Variants in DUOX2 observed in about 807,000 individuals in gnomAD.
The protein encoded by DUOX2 is NADH/NADPH thyroid oxidase p138-tox.
A neutral mutation model predicts 183.3 loss-of-function variants in DUOX2; 185 were observed. The observed-to-expected ratio is 1.01, with a 90% CI of 0.90 to 1.14. The LOEUF is 1.14. DUOX2 is among the 50% of genes most tolerant of loss of function. DUOX2 has a pLI of 0.00. For missense variants in DUOX2, 1,999 were observed against 2,022.9 expected, an observed-to-expected ratio of 0.99 and a Z score of 0.23; for synonymous variants, 788 against 812.4, an observed-to-expected ratio of 0.97 and a Z score of 0.51.
chr15:45,094,858 A>C, intron 32 of DUOX2, 78 bp downstream of exon 32: 1 of 1,603,840 alleles, frequency 6.2e-7, no homozygotes, highest in Admixed American at 1.7e-5. Flanking sequence ...CCGTCCACCC[A>C]CCTGCCCTGG....
At chr15:45,108,982 C>G (rs1406917122) in intron 11 of DUOX2, 30 bp from the exon 12 acceptor site, 2 of 1,613,310 alleles carry the variant, frequency 1.2e-6, no homozygotes, top group African/African-American at 2.7e-5. Flanking sequence ...AGACTATGGG[C>G]TTTGTCCTCT....
chr15:45,092,985 A>G lies in DUOX2; in HGVS notation c.*1165T>C, dbSNP rs1041649301. 3 of 152,186 alleles carry G rather than the reference A, an allele frequency of 2.0e-5. No individual in the cohort carries two copies. Among genetic ancestry groups the G allele is most frequent in the African/African-American group, 7.2e-5 (3 of 41,458 alleles). 9.4% of individuals were successfully genotyped at this position (152,186 alleles called of 1,614,324 possible). On this transcript the variant is annotated 3_prime_UTR_variant, in exon 34 of 34. Coordinates refer to ENST00000389039, the MANE Select transcript of DUOX2 (RefSeq NM_001363711.2). ...TTTCTGGGGTGATGGAAATGTTGAA[A>G]CATTCTATGTCTTGACCTGGGTGGT...
Position 45,106,296 on chromosome 15 carries a change from G to A in DUOX2, c.1977C>T (p.Ser659=), listed in dbSNP as rs943708613. The change falls in exon 17 of 34, where the codon AGC becomes AGT. Residue 659 remains serine, a synonymous_variant. Coordinates refer to ENST00000389039, the MANE Select transcript of DUOX2 (RefSeq NM_001363711.2). ...AMEWPGPKER[S]SPIIIQLLSD... ...ACAGCAGCTGGATGATGATGGGACT[G>A]CTCCTCTCCTTGGGGCCTGGCCACT... 2 of 1,613,978 alleles carry A rather than the reference G, an allele frequency of 1.2e-6. No individual in the cohort carries two copies. Among genetic ancestry groups the A allele is most frequent in the Non-Finnish European group, 1.7e-6 (2 of 1,180,034 alleles).
chr15:45,113,513 G>T, intron 1 of DUOX2, 88 bp from the exon 2 acceptor site: 1 of 1,031,476 alleles, frequency 9.7e-7, no homozygotes, highest in Non-Finnish European at 1.5e-6. Context: ...CCTACAGCTA[G>T]TACTGGAGGA....
At position 45,101,262 on chromosome 15, in the gene DUOX2, A is replaced by C; in HGVS notation, c.2864T>G (p.Ile955Ser). ...GGGGGNGIRD[I>S]FKQNISCRVS... ...TCGACAGCTGATGTTTTGTTTAAAG[A>C]TATCTCTAATACCTAGAGAAAAGAA... is the stretch of plus-strand genomic sequence containing the variant. The change falls in exon 22 of 34, where the codon ATC becomes AGC. Residue 955 changes from isoleucine to serine, a missense_variant. By Grantham distance (142) the Ile-to-Ser change is moderately radical. Around this residue, in one of 3 missense-constraint regions of DUOX2, gnomAD observed 1,628 missense variants for 1,608.6 expected, o/e 1.01. Transcript: ENST00000389039. The C allele has an allele frequency of 6.2e-7, 1 of 1,613,340 alleles. No homozygotes were observed. The highest frequency in any genetic ancestry group is 8.5e-7 in the Non-Finnish European group (1 of 1,179,712).
chr15:45,096,760 G>A lies in DUOX2; in HGVS notation c.3847+478C>T, dbSNP rs540027722. 7.2e-5 allele frequency among the ~76,000 whole-genome samples: 11 copies of A among 152,244 alleles called. No individual in the cohort carries two copies. In the East Asian group the frequency reaches 1.9e-3, roughly 27 times the overall value. ...TTTTTTTACAACATGAGTCCTGAAG[G>A]TTAGACAGTCCTGAGATACATAAAA... On this transcript the variant is annotated intron_variant, in intron 29 of 33. Coordinates refer to ENST00000389039, the MANE Select transcript of DUOX2 (RefSeq NM_001363711.2).
chr15:45,109,194 C>G, intron 11 of DUOX2: 2 of 616,468 alleles, frequency 3.2e-6, no homozygotes, highest in Admixed American at 2.7e-5. Flanking sequence ...AGTCACCAAG[C>G]AGTAAATTCC....
Position 45,113,033 on chromosome 15 carries a change from A to T in DUOX2, c.114T>A (p.Tyr38Ter). The T allele has an allele frequency of 6.2e-7, 1 of 1,614,046 alleles. No homozygotes were observed. The highest frequency in any genetic ancestry group is 8.5e-7 in the Non-Finnish European group (1 of 1,180,008). Residue 38 changes from tyrosine (Y) to a stop codon, truncating the protein, a stop_gained, in exon 3 of 34, where the codon TAT becomes TAA. Coordinates refer to ENST00000389039, the MANE Select transcript of DUOX2 (RefSeq NM_001363711.2). LOFTEE classifies it high-confidence loss of function. ...ALSLPWEVQR[Y>*]DGWFNNLRHH... ...GCCTCAGGTTGTTAAACCAGCCGTC[A>T]TAGCGCTGCACTTCCCAGGGCAGTG... is the stretch of plus-strand genomic sequence containing the variant.
At position 45,104,389 on chromosome 15, in the gene DUOX2, G is replaced by A. The variant is rs778243396; in HGVS notation, c.2335-24C>T. 10 of 1,608,964 alleles carry A rather than the reference G, an allele frequency of 6.2e-6. 1 individual carries two copies. In the South Asian group the frequency reaches 1.1e-4, roughly 18 times the overall value. ...ACCTGCACTCGGGCAGCAGCAGAGG[G>A]AGGGAAAGAGAAGGAGGTGAAGCCT... On this transcript the variant is annotated intron_variant, in intron 18 of 33. Coordinates refer to ENST00000389039, the MANE Select transcript of DUOX2 (RefSeq NM_001363711.2).
intron 29 of DUOX2, among the ~76,000 whole-genome samples, chr15:45,096,613 G>C (rs1040547736): frequency 6.6e-6 from 1 of 152,146 alleles, no homozygotes; most frequent in Non-Finnish European, 1.5e-5. Flanking sequence ...TGAGCCTCAG[G>C]CCTGATCTCT....
chr15:45,100,435 A>C, intron 23 of DUOX2: 1 of 607,942 alleles, frequency 1.6e-6, no homozygotes, highest in Non-Finnish European at 2.9e-6. Context: ...TCTCCCTGCT[A>C]CTCCCCCTCC....
Position 45,094,042 on chromosome 15 carries a change from C to T in DUOX2, c.*108G>A, listed in dbSNP as rs187587870. Reference sequence around the variant, plus strand: ...TGGGAGGGGCTCTGCAGCCCTCCAGCTGAGGCCTAAGGTGGATTCTGATGG... The same window carrying T: ...TGGGAGGGGCTCTGCAGCCCTCCAGTTGAGGCCTAAGGTGGATTCTGATGG... On this transcript the variant is annotated 3_prime_UTR_variant, in exon 34 of 34. Coordinates refer to ENST00000389039, the MANE Select transcript of DUOX2 (RefSeq NM_001363711.2). 7.7e-5 allele frequency: 115 copies of T among 1,496,026 alleles called. No individual in the cohort carries two copies. The African/African-American group carries it at 1.5e-3, about 20-fold the overall frequency. 92.7% of individuals were successfully genotyped at this position (1,496,026 alleles called of 1,614,324 possible). A position where few individuals can be genotyped will look rare whatever the true frequency, so the allele number is the denominator to read the frequency against.
At chr15:45,107,590 T>A (rs1894253878) in intron 13 of DUOX2, 127 bp from the exon 14 acceptor site, 3 of 1,015,740 alleles carry the variant, frequency 3.0e-6, no homozygotes, top group South Asian at 2.6e-5. Context: ...ATGCCTGTAA[T>A]CCCAACACTT....
At chr15:45,104,635 C>T (rs553325968) in intron 18 of DUOX2, among the ~76,000 whole-genome samples, 6 of 151,828 alleles carry the variant, frequency 4.0e-5, no homozygotes, top group South Asian at 4.2e-4. Flanking sequence ...AGGGGAAGGG[C>T]GAAGTTAAGG....
chr15:45,107,866 A>G (rs943643122), intron 13 of DUOX2, among the ~76,000 whole-genome samples, 181 bp downstream of exon 13: 5 of 78,998 alleles, frequency 6.3e-5, no homozygotes, highest in Non-Finnish European at 1.2e-4. Flanking sequence ...AAAAAAAAAA[A>G]AAAAAAGAAA....
chr15:45,106,950 A>G lies in DUOX2; in HGVS notation c.1713T>C (p.Pro571=). ...VWHKGAPCPQ[P]KQLTTDGLPQ... is the part of the protein sequence containing the mutation. ...GCAGGCCGTCAGTTGTGAGCTGCTTAGGTTGAGGGCAGGGTGCACCTGAGG... is the reference window on the plus strand; with the variant it reads ...GCAGGCCGTCAGTTGTGAGCTGCTTGGGTTGAGGGCAGGGTGCACCTGAGG... The change falls in exon 15 of 34, where the codon CCT becomes CCC. Residue 571 remains proline, a synonymous_variant. Transcript: ENST00000389039. The G allele has an allele frequency of 6.3e-7, 1 of 1,578,496 alleles. No homozygotes were observed.
At chr15:45,108,719 T>C in intron 12 of DUOX2, 70 bp downstream of exon 12, 2 of 1,498,422 alleles carry the variant, frequency 1.3e-6, no homozygotes, top group South Asian at 1.1e-5. Context: ...AGTCAACATA[T>C]GTAAAGGGTT....
At position 45,108,950 on chromosome 15, in the gene DUOX2, A is replaced by G; in HGVS notation, c.1237T>C (p.Tyr413His). 5 of 1,614,170 alleles carry G rather than the reference A, an allele frequency of 3.1e-6. No homozygotes were observed. The highest frequency in any genetic ancestry group is 3.4e-6 in the Non-Finnish European group (4 of 1,180,034). Reference sequence around the variant, plus strand: ...GAGAATTTGCCAGGGCCAGGCCAGTAATCTGAAGAGGAGAGAAGACTAGAC... The same window carrying G: ...GAGAATTTGCCAGGGCCAGGCCAGTGATCTGAAGAGGAGAGAAGACTAGAC... ...DNIVVEDLRD[Y>H]WPGPGKFSRT... Residue 413 changes from tyrosine to histidine, a missense_variant and splice_region_variant, in exon 12 of 34, where the codon TAC becomes CAC. Coordinates refer to ENST00000389039, the MANE Select transcript of DUOX2 (RefSeq NM_001363711.2).
intron 19 of DUOX2, 42 bp downstream of exon 19, chr15:45,104,098 C>T (rs372133652): frequency 1.1e-5 from 18 of 1,614,072 alleles, no homozygotes; most frequent in Middle Eastern, 1.6e-4. Flanking sequence ...TGCTGAAAGA[C>T]CCCTGGATTC....
Sources: allele counts gnomAD v4.1 joint callset (sites outside exome capture counted in the v4.1 genomes callset), GRCh38; gene constraint gnomAD v4.1.1; regional missense constraint gnomAD v4.1.1; transcripts MANE v1.5; gene names NCBI Gene and HGNC (gene_info 2026-07-23, HGNC 2026-07-21).